Variants in APLF observed in about 807,000 individuals in gnomAD.
APLF encodes aprataxin and PNKP like factor, also known as aprataxin and PNK-like factor.
In APLF, 61 loss-of-function variants were observed where a neutral mutation model predicts 55.6. The observed-to-expected ratio is 1.10, with a 90% CI of 0.89 to 1.36. The LOEUF (loss-of-function observed/expected upper bound fraction) is 1.36, where lower values mean the gene tolerates loss of function less well. APLF is among the 40% of genes most tolerant of loss of function. The pLI is 0.00. For missense variants in APLF, 611 were observed against 602.5 expected (o/e 1.01, Z -0.15); for synonymous variants, 207 against 214.8 (o/e 0.96, Z 0.32).
intron 8 of APLF, among the ~76,000 whole-genome samples, chr2:68,564,091 C>CT (rs1671234749): frequency 6.6e-6 from 1 of 151,948 alleles, no homozygotes; most frequent in South Asian, 2.1e-4. Flanking sequence ...CCATTTTTAT[C>CT]TTTCTCCGTT....
intron 1 of APLF, among the ~76,000 whole-genome samples, chr2:68,483,120 C>A (rs183328407): frequency 3.3e-4 from 50 of 152,224 alleles, no homozygotes; most frequent in African/African-American, 1.2e-3. Context: ...CAGAGCAGGA[C>A]GCCCTCCAGC....
intron 9 of APLF, among the ~76,000 whole-genome samples, chr2:68,577,233 A>G (rs890830755): frequency 1.3e-5 from 2 of 152,188 alleles, no homozygotes; most frequent in South Asian, 2.1e-4. Context: ...AGTGCCTTAT[A>G]ACAATAAATA....
intron 2 of APLF, among the ~76,000 whole-genome samples, chr2:68,490,556 AT>A (rs1338077328): frequency 6.6e-6 from 1 of 152,222 alleles, no homozygotes; most frequent in Non-Finnish European, 1.5e-5. Context: ...AAGAAAGCCC[AT>A]AACTATTAAT....
At chr2:68,511,580 T>C (rs752925424) in intron 3 of APLF, among the ~76,000 whole-genome samples, 9 of 151,702 alleles carry the variant, frequency 5.9e-5, no homozygotes, top group Non-Finnish European at 1.2e-4. Flanking sequence ...GTTACTTAAT[T>C]CCTAATACTA....
chr2:68,546,338 T>C (rs1297237491), intron 8 of APLF, among the ~76,000 whole-genome samples: 1 of 152,046 alleles, frequency 6.6e-6, no homozygotes, highest in Non-Finnish European at 1.5e-5. Context: ...CTAACAAACA[T>C]TTAAAGAAGA....
rs148069266 is a variant in APLF at position 68,576,605 on chromosome 2, A to G, written c.1334-1215A>G. Among the ~76,000 whole-genome samples the G allele has an allele frequency of 2.0e-5, 3 of 152,180 alleles. No homozygotes were observed. In the East Asian group the frequency reaches 5.8e-4, roughly 29 times the overall value. On this transcript the variant is annotated intron_variant, in intron 9 of 9. Transcript: ENST00000303795. The stretch of plus-strand genomic sequence containing the variant: ...TGGTTTCTACCTTTATTAGCATTTT[A>G]TTATTATAAGCTGTCTCAAATCCTT...
chr2:68,494,280 A>C (rs867810785), intron 2 of APLF, among the ~76,000 whole-genome samples: 39 of 139,946 alleles, frequency 2.8e-4, no homozygotes, highest in African/African-American at 1.1e-3. Context: ...CCCGTCTCAA[A>C]AAAAAAAAAA....
At chr2:68,530,839 C>G (rs1670232747) in intron 6 of APLF, among the ~76,000 whole-genome samples, 1 of 151,844 alleles carries the variant, frequency 6.6e-6, no homozygotes, top group South Asian at 2.1e-4. Flanking sequence ...AGAATTGAAA[C>G]CATCTATATT....
chr2:68,530,716 C>T (rs1313401341), intron 6 of APLF, among the ~76,000 whole-genome samples: 1 of 152,074 alleles, frequency 6.6e-6, no homozygotes, highest in African/African-American at 2.4e-5. Flanking sequence ...CACATGATGC[C>T]CTAAATATAA....
intron 9 of APLF, among the ~76,000 whole-genome samples, chr2:68,567,964 T>A (rs1266085209): frequency 1.3e-5 from 2 of 152,036 alleles, no homozygotes; most frequent in African/African-American, 2.4e-5. Flanking sequence ...TAGATCACAG[T>A]CTTAACCTTG....
chr2:68,572,444 TAAAAG>T (rs1412463843), intron 9 of APLF, among the ~76,000 whole-genome samples: 1 of 152,122 alleles, frequency 6.6e-6, no homozygotes, highest in Admixed American at 6.5e-5. Flanking sequence ...TAATAGAAAG[TAAAAG>T]AAAAGAAAAC....
At chr2:68,510,753 C>T (rs1471812220) in intron 3 of APLF, among the ~76,000 whole-genome samples, 1 of 151,580 alleles carries the variant, frequency 6.6e-6, no homozygotes, top group Non-Finnish European at 1.5e-5. Flanking sequence ...TTCATAATAG[C>T]CAAAAAGTGG....
intron 8 of APLF, among the ~76,000 whole-genome samples, chr2:68,558,976 A>C (rs867854973): frequency 6.6e-6 from 1 of 152,210 alleles, no homozygotes; most frequent in Admixed American, 6.5e-5. Flanking sequence ...AAGTAAATAA[A>C]ACTAAAAACT....
At chr2:68,517,488 T>C (rs1669650681) in intron 5 of APLF, among the ~76,000 whole-genome samples, 1 of 140,454 alleles carries the variant, frequency 7.1e-6, no homozygotes, top group Admixed American at 7.4e-5. Flanking sequence ...TATATATTAA[T>C]ATATCAATAT....
At chr2:68,505,275 CAT>C (rs1427478519) in intron 3 of APLF, among the ~76,000 whole-genome samples, 2 of 151,996 alleles carry the variant, frequency 1.3e-5, no homozygotes, top group African/African-American at 4.8e-5. Context: ...AATAGAATTA[CAT>C]ACTTTTTTCA....
In APLF at chr2:68,492,918, G is replaced by A. The variant is rs553176178; in HGVS notation, c.168+2657G>A. 3.3e-5 allele frequency among the ~76,000 whole-genome samples: 5 copies of A among 152,226 alleles called. No individual in the cohort carries two copies. In the South Asian group the frequency reaches 6.2e-4, roughly 19 times the overall value. On this transcript the variant is annotated intron_variant, in intron 2 of 9. Transcript: ENST00000303795. ...TGTGATGTTTAGACATGGGAGAAAGGTAGCTCTTTTTTATCCTTTTTCGAG... is the reference window on the plus strand; with the variant it reads ...TGTGATGTTTAGACATGGGAGAAAGATAGCTCTTTTTTATCCTTTTTCGAG...
At chr2:68,503,034 G>A (rs887344651) in intron 3 of APLF, 131 bp downstream of exon 3, 17 of 889,060 alleles carry the variant, frequency 1.9e-5, no homozygotes, top group African/African-American at 3.6e-5. Flanking sequence ...GTGTGTGTAC[G>A]CATGTGTGTG....
chr2:68,512,351 A>C (rs913357656), intron 3 of APLF, among the ~76,000 whole-genome samples: 8 of 151,786 alleles, frequency 5.3e-5, no homozygotes, highest in Admixed American at 5.3e-4. Context: ...TTTGGGATTC[A>C]TCTATATTCT....
chr2:68,476,291 G>C (rs1451188615), intron 1 of APLF, among the ~76,000 whole-genome samples: 2 of 151,930 alleles, frequency 1.3e-5, no homozygotes, highest in East Asian at 3.9e-4. Context: ...TTTGAGACCA[G>C]CCTGATCAAC....
Sources: gnomAD v4.1 joint callset for allele counts (sites outside exome capture counted in the v4.1 genomes callset) on GRCh38, gnomAD v4.1.1 for gene constraint, MANE v1.5 for transcripts, NCBI Gene and HGNC (gene_info 2026-07-23, HGNC 2026-07-21) for gene names.